The following NOL8 variants were observed in gnomAD, a reference collection of about 807,000 sequenced individuals.
NOL8 encodes the protein nucleolar protein Nop132.
Under a neutral mutation model 116.1 loss-of-function variants are expected in NOL8, and 93 were observed. That is an observed-to-expected ratio of 0.80 (90% CI 0.68 to 0.95). The LOEUF is 0.95. Among genes scored for constraint, NOL8 ranks in the 40% least tolerant of loss-of-function variants. The pLI, the probability that NOL8 is intolerant of heterozygous loss-of-function variation, is 0.00. For missense variants in NOL8, 1,291 were observed against 1,382.8 expected (o/e 0.93, Z 1.05); for synonymous variants, 419 against 469.0 (o/e 0.89, Z 1.38).
At chr9:92,307,159 A>C in intron 10 of NOL8, 135 bp from the exon 11 acceptor site, 1 of 849,450 alleles carries the variant, frequency 1.2e-6, no homozygotes, top group Non-Finnish European at 1.7e-6. Context: ...ACCTCATTTC[A>C]CTAACCTCCA....
chr9:92,311,632 A>C (rs1428547165), intron 7 of NOL8, among the ~76,000 whole-genome samples: 1 of 152,236 alleles, frequency 6.6e-6, no homozygotes, highest in Non-Finnish European at 1.5e-5. Flanking sequence ...GAGGAATGCA[A>C]ATCAAAACCA....
Position 92,299,981 on chromosome 9 carries a change from T to C in NOL8, c.3211A>G (p.Ile1071Val). 2 of 1,613,620 alleles carry C rather than the reference T, an allele frequency of 1.2e-6. No individual in the cohort carries two copies. The highest frequency in any genetic ancestry group is 1.7e-6 in the Non-Finnish European group (2 of 1,179,650). ...YRVETVKPGKIVWQEDPRLQD... is the reference protein window; with the variant it reads ...YRVETVKPGKVVWQEDPRLQD... ...AAACGAGGGTCTTCCTGCCAGACAA[T>C]CTTTCCAGGTTTCACTGTTTCAACT... Residue 1071 changes from isoleucine to valine, a missense_variant, in exon 14 of 17, where the codon ATT (isoleucine) becomes GTT (valine). Coordinates refer to ENST00000442668, the MANE Select transcript of NOL8 (RefSeq NM_017948.6).
In NOL8 at chr9:92,311,045, T is replaced by C. The variant is rs7046109; in HGVS notation, c.2472+101A>G. 2,873 of 911,488 alleles carry C rather than the reference T, an allele frequency of 3.2e-3. 55 individuals carry two copies. In the African/African-American group the frequency reaches 0.037, roughly 12 times the overall value. 56.5% of individuals were successfully genotyped at this position (911,488 alleles called of 1,614,324 possible). On this transcript the variant is annotated intron_variant, in intron 8 of 16. Transcript: ENST00000442668. Reference sequence around the variant, plus strand: ...GTGACCTGGCAAGCCCTGGGTCTCATTGGGGCTCTCAGGAGGGTTTTATGT... The same window carrying C: ...GTGACCTGGCAAGCCCTGGGTCTCACTGGGGCTCTCAGGAGGGTTTTATGT...
intron 3 of NOL8, among the ~76,000 whole-genome samples, chr9:92,322,125 T>G (rs1181650959): frequency 6.6e-6 from 1 of 152,244 alleles, no homozygotes; most frequent in Admixed American, 6.5e-5. Flanking sequence ...CCTGTAACTA[T>G]AAAACAATCA....
Position 92,315,574 on chromosome 9 carries a change from A to G in NOL8, c.1051T>C (p.Leu351=). The G allele has an allele frequency of 6.2e-7, 1 of 1,612,894 alleles. No homozygotes were observed. The highest frequency in any genetic ancestry group is 8.5e-7 in the Non-Finnish European group (1 of 1,179,566). Residue 351 remains leucine, a synonymous_variant, in exon 7 of 17, where the codon TTA becomes CTA. Coordinates refer to ENST00000442668, the MANE Select transcript of NOL8 (RefSeq NM_017948.6). ...FKSGVHKLHS[L]IGLGIKNRVS... Reference sequence around the variant, plus strand: ...CGATTTTTGATACCTAAACCTATTAAAGAATGCAGTTTGTGAACGCCTGAT... The same window carrying G: ...CGATTTTTGATACCTAAACCTATTAGAGAATGCAGTTTGTGAACGCCTGAT...
At chr9:92,308,353 T>G (rs1025638762) in intron 10 of NOL8, among the ~76,000 whole-genome samples, 3 of 151,928 alleles carry the variant, frequency 2.0e-5, no homozygotes, top group African/African-American at 7.3e-5. Flanking sequence ...CACAGTGAGA[T>G]CCTGTCTCCA....
intron 11 of NOL8, 78 bp downstream of exon 11, chr9:92,306,808 C>T: frequency 7.1e-7 from 1 of 1,399,660 alleles, no homozygotes; most frequent in South Asian, 1.3e-5. Flanking sequence ...TTAAAAGAGA[C>T]CTAGTTTTAA....
chr9:92,300,666 C>A, intron 13 of NOL8: 1 of 1,056,296 alleles, frequency 9.5e-7, no homozygotes. Context: ...TTTATATAGA[C>A]AAGAAAATGA....
rs748873347 is a variant in NOL8 at position 92,314,479 on chromosome 9, C to T, written c.2146G>A (p.Gly716Ser). The change falls in exon 7 of 17, where the codon GGC (glycine) becomes AGC (serine). Residue 716 changes from glycine (G) to serine (S), a missense_variant. Transcript: ENST00000442668. ...ASQEERSDSS[G>S]LTSLKKSPKV... Reference sequence around the variant, plus strand: ...GGTGATTTCTTGAGAGATGTGAGGCCGCTTGAATCAGACCGCTCTTCCTGT... The same window carrying T: ...GGTGATTTCTTGAGAGATGTGAGGCTGCTTGAATCAGACCGCTCTTCCTGT... The T allele has an allele frequency of 1.9e-5, 30 of 1,612,708 alleles. No individual in the cohort carries two copies. The highest frequency in any genetic ancestry group is 3.3e-4 in the Middle Eastern group (2 of 6,056).
At chr9:92,300,085 A>T (rs1837604318) in intron 13 of NOL8, 69 bp from the exon 14 acceptor site, 2 of 1,543,226 alleles carry the variant, frequency 1.3e-6, no homozygotes, top group African/African-American at 2.7e-5. Context: ...GAACACATTC[A>T]TTTGATTACT....
chr9:92,302,229 A>G (rs1259722928), intron 12 of NOL8, among the ~76,000 whole-genome samples: 1 of 152,196 alleles, frequency 6.6e-6, no homozygotes, highest in Non-Finnish European at 1.5e-5. Flanking sequence ...TTTACCAGTA[A>G]CTGGTAAAAT....
intron 4 of NOL8, 74 bp from the exon 5 acceptor site, chr9:92,319,430 G>A (rs1839732315): frequency 1.4e-6 from 2 of 1,399,734 alleles, no homozygotes; most frequent in African/African-American, 1.5e-5. Context: ...CACTTTAGGT[G>A]TGCCTAAATG....
Position 92,298,868 on chromosome 9 carries a change from A to G in NOL8, c.3373+16T>C, listed in dbSNP as rs1452185730. The G allele has an allele frequency of 6.8e-7, 1 of 1,461,128 alleles. No homozygotes were observed. Among genetic ancestry groups the G allele is most frequent in the Admixed American group, 2.3e-5 (1 of 43,938 alleles). The allele number at this position is 1,461,128 out of a possible 1,614,324, so 90.5% of individuals were successfully genotyped here. On this transcript the variant is annotated intron_variant, in intron 15 of 16. Coordinates refer to ENST00000442668, the MANE Select transcript of NOL8 (RefSeq NM_017948.6). ...CCTGTTCTATGTATGTAATTTGATGAAAAAAATGGACTGACCTTGAAGTCG... is the reference window on the plus strand; with the variant it reads ...CCTGTTCTATGTATGTAATTTGATGGAAAAAATGGACTGACCTTGAAGTCG...
chr9:92,315,902 C>T lies in NOL8; in HGVS notation c.723G>A (p.Arg241=), dbSNP rs756116635. The T allele has an allele frequency of 1.9e-5, 30 of 1,613,572 alleles. No homozygotes were observed. Among genetic ancestry groups the T allele is most frequent in the Non-Finnish European group, 2.4e-5 (28 of 1,179,872 alleles). The change falls in exon 7 of 17, where the codon AGG becomes AGA. Residue 241 remains arginine (R), a synonymous_variant. Transcript: ENST00000442668. ...GSLAMSTRPR[R]VIERPPLTQQ... ...GTGTTAAGGGTGGTCTCTCTATTACCCTCCTGGGCCTTGTACTCATGGCCA... is the reference window on the plus strand; with the variant it reads ...GTGTTAAGGGTGGTCTCTCTATTACTCTCCTGGGCCTTGTACTCATGGCCA...
chr9:92,297,931 T>C (rs1318071534), intron 16 of NOL8, 45 bp from the exon 17 acceptor site: 1 of 1,484,010 alleles, frequency 6.7e-7, no homozygotes, highest in Non-Finnish European at 9.1e-7. Context: ...AAATTGTTTT[T>C]AAGATGTTCA....
At chr9:92,305,679 T>C in intron 12 of NOL8, 74 bp downstream of exon 12, 2 of 1,083,750 alleles carry the variant, frequency 1.8e-6, no homozygotes, top group Non-Finnish European at 1.4e-6. Context: ...TATTGGTTCC[T>C]ACCTACATTT....
chr9:92,316,120 A>T lies in NOL8; in HGVS notation c.505T>A (p.Ser169Thr). The T allele has an allele frequency of 6.2e-7, 1 of 1,613,654 alleles. No homozygotes were observed. The highest frequency in any genetic ancestry group is 8.5e-7 in the Non-Finnish European group (1 of 1,179,744). Residue 169 changes from serine (S) to threonine (T), a missense_variant, in exon 7 of 17, where the codon TCA (serine) becomes ACA (threonine). Coordinates refer to ENST00000442668, the MANE Select transcript of NOL8 (RefSeq NM_017948.6). Reference protein sequence around the residue: ...HKRKIIKYDPSKYCHNLKKIG... With the variant: ...HKRKIIKYDPTKYCHNLKKIG... ...TTCTTCAGGTTGTGGCAGTATTTTG[A>T]GGGATCATATTTGATGATGTTACGC... is the stretch of plus-strand genomic sequence containing the variant.
chr9:92,303,502 G>A (rs1837936675), intron 12 of NOL8, among the ~76,000 whole-genome samples: 1 of 152,188 alleles, frequency 6.6e-6, no homozygotes, highest in African/African-American at 2.4e-5. Flanking sequence ...TTTTACAAAG[G>A]TAGAGTGGAG....
At position 92,301,629 on chromosome 9, in the gene NOL8, C is replaced by G. The variant is rs1474284039; in HGVS notation, c.3097G>C (p.Ala1033Pro). 1 of 1,604,946 alleles carries G rather than the reference C, an allele frequency of 6.2e-7. No individual in the cohort carries two copies. Among genetic ancestry groups the G allele is most frequent in the East Asian group, 2.2e-5 (1 of 44,774 alleles). The change falls in exon 13 of 17, where the codon GCT (alanine) becomes CCT (proline). Residue 1033 changes from alanine (A) to proline (P), a missense_variant. Ala to Pro is a conservative substitution (Grantham distance 27, BLOSUM62 -1). Transcript: ENST00000442668. Reference protein sequence around the residue: ...EKPEEIQDPAALTSDAEQPSG... With the variant: ...EKPEEIQDPAPLTSDAEQPSG... Reference sequence around the variant, plus strand: ...GGCTGCTCAGCGTCACTGGTCAGAGCTGCAGGGTCCTGGATTTCCTCAGGT... The same window carrying G: ...GGCTGCTCAGCGTCACTGGTCAGAGGTGCAGGGTCCTGGATTTCCTCAGGT...
Sources: gnomAD v4.1 joint callset for allele counts (sites outside exome capture counted in the v4.1 genomes callset) on GRCh38, gnomAD v4.1.1 for gene constraint, MANE v1.5 for transcripts, NCBI Gene and HGNC (gene_info 2026-07-23, HGNC 2026-07-21) for gene names.